Variants in IHO1 observed in about 807,000 individuals in gnomAD.
IHO1 encodes the protein interactor of HORMAD1 protein 1.
A neutral mutation model predicts 31.0 loss-of-function variants in IHO1; 13 were observed. The ratio of observed to expected loss-of-function variants is 0.42; its 90% confidence interval spans 0.27 to 0.67. The LOEUF (loss-of-function observed/expected upper bound fraction) is 0.67, where lower values mean the gene tolerates loss of function less well. Ranked by LOEUF, IHO1 falls within the 30% of genes least tolerant of loss-of-function variation. IHO1 has a pLI of 0.24. For missense variants in IHO1, 599 were observed against 687.5 expected, an observed-to-expected ratio of 0.87 and a Z score of 1.44; for synonymous variants, 221 against 248.4, an observed-to-expected ratio of 0.89 and a Z score of 1.04.
At chr3:49,229,251 C>G (rs906641640) in intron 2 of IHO1, among the ~76,000 whole-genome samples, 2 of 152,228 alleles carry the variant, frequency 1.3e-5, no homozygotes, top group African/African-American at 4.8e-5. Context: ...CTGGCTTCAC[C>G]TCTCAGTTTT....
At chr3:49,255,987 C>G (rs565152217) in intron 7 of IHO1, 147 bp from the exon 8 acceptor site, 1 of 689,852 alleles carries the variant, frequency 1.4e-6, no homozygotes, top group African/African-American at 1.8e-5. Flanking sequence ...GTTCAACTCC[C>G]GAGTGTAATT....
At chr3:49,216,589 G>T (rs2046288922) in intron 2 of IHO1, among the ~76,000 whole-genome samples, 1 of 152,188 alleles carries the variant, frequency 6.6e-6, no homozygotes, top group South Asian at 2.1e-4. Context: ...CATGGGCAAA[G>T]ACTTCATGAC....
At position 49,244,452 on chromosome 3, in the gene IHO1, G is replaced by T; in HGVS notation, c.444G>T (p.Arg148Ser). Residue 148 changes from arginine (R) to serine (S), a missense_variant and splice_region_variant, in exon 5 of 8, where the codon AGG (arginine) becomes AGT (serine). Coordinates refer to ENST00000452691, the MANE Select transcript of IHO1 (RefSeq NM_001135197.2). Reference protein sequence around the residue: ...FVSNVRESILRLQTSVEKSED... With the variant: ...FVSNVRESILSLQTSVEKSED... ...CTAATGTTAGAGAAAGCATTCTCAG[G>T]GTAAGTACAGATACTTTTCAAGGAG... The T allele has an allele frequency of 6.5e-7, 1 of 1,549,960 alleles. No individual in the cohort carries two copies. Among genetic ancestry groups the T allele is most frequent in the South Asian group, 1.2e-5 (1 of 85,298 alleles).
At chr3:49,240,209 C>G (rs1303465752) in intron 3 of IHO1, among the ~76,000 whole-genome samples, 1 of 151,980 alleles carries the variant, frequency 6.6e-6, no homozygotes, top group African/African-American at 2.4e-5. Context: ...CCACGCCCAG[C>G]TAATTTTTGT....
intron 4 of IHO1, 106 bp from the exon 5 acceptor site, chr3:49,244,298 T>A (rs1215188739): frequency 1.4e-6 from 1 of 738,160 alleles, no homozygotes; most frequent in African/African-American, 1.8e-5. Flanking sequence ...AGCAATGTTT[T>A]GATGCTATGC....
chr3:49,207,253 T>G lies in IHO1; in HGVS notation c.-15-4513T>G, dbSNP rs564412770. Among the ~76,000 whole-genome samples, 48 of 151,106 alleles carry G rather than the reference T, an allele frequency of 3.2e-4. No individual in the cohort carries two copies. The South Asian group carries it at 9.2e-3, about 29-fold the overall frequency. On this transcript the variant is annotated intron_variant, in intron 1 of 7. Transcript: ENST00000452691. ...CATTTTTTTCTTTCTGGTGAGGTTT[T>G]TTTTTTTTTTTGAGACGGAGTCTCA...
chr3:49,200,483 G>A lies in IHO1; in HGVS notation c.-16+910G>A, dbSNP rs868391858. The A allele has an allele frequency of 2.4e-5, 12 of 496,946 alleles. No homozygotes were observed. In the South Asian group the frequency reaches 2.8e-4, roughly 12 times the overall value. 30.8% of individuals were successfully genotyped at this position (496,946 alleles called of 1,614,324 possible). On this transcript the variant is annotated intron_variant, in intron 1 of 7. Transcript: ENST00000452691. Reference sequence around the variant, plus strand: ...CGGTCTCAAAAAAAAAAAAAAGAAAGAAAGAAAGAAAGAAAGAAAGAAAGA... The same window carrying A: ...CGGTCTCAAAAAAAAAAAAAAGAAAAAAAGAAAGAAAGAAAGAAAGAAAGA...
chr3:49,247,861 A>G (rs1249297455), intron 6 of IHO1, among the ~76,000 whole-genome samples: 1 of 150,428 alleles, frequency 6.6e-6, no homozygotes, highest in Non-Finnish European at 1.5e-5. Context: ...GTGGTGGTTC[A>G]TGTCTGTAAT....
chr3:49,205,942 G>C (rs2046131347), intron 1 of IHO1, among the ~76,000 whole-genome samples: 1 of 150,060 alleles, frequency 6.7e-6, no homozygotes, highest in African/African-American at 2.5e-5. Flanking sequence ...GCTAATTTTT[G>C]TATTTTTTTT....
chr3:49,223,304 T>C (rs2046376905), intron 2 of IHO1, among the ~76,000 whole-genome samples: 1 of 152,164 alleles, frequency 6.6e-6, no homozygotes, highest in African/African-American at 2.4e-5. Context: ...ATTTGCTTTC[T>C]CGACCTTCCC....
chr3:49,221,829 C>T (rs2046358829), intron 2 of IHO1, among the ~76,000 whole-genome samples: 1 of 152,168 alleles, frequency 6.6e-6, no homozygotes, highest in Non-Finnish European at 1.5e-5. Context: ...GTCAGGAGGC[C>T]TAGAAAGGGG....
At chr3:49,191,618 C>T in the IHO1 span, 25 of 1,006,508 alleles carry the variant, frequency 2.5e-5, no homozygotes, top group African/African-American at 2.5e-4. Flanking sequence ...AGGAAGTGGG[C>T]GGCTCAGGGT....
chr3:49,255,062 CA>C (rs371843773), intron 6 of IHO1, among the ~76,000 whole-genome samples: 17,985 of 128,112 alleles, frequency 0.14, 1,189 homozygotes, highest in African/African-American at 0.2. Context: ...GTCTCCGTCT[CA>C]AAAAAAAAAA....
At chr3:49,245,072 G>T in intron 6 of IHO1, 1 of 552,078 alleles carries the variant, frequency 1.8e-6, no homozygotes, top group African/African-American at 1.9e-5. Flanking sequence ...TGCTGCCTGT[G>T]CTGTCTATAG....
intron 2 of IHO1, among the ~76,000 whole-genome samples, chr3:49,233,597 T>G (rs780023074): frequency 6.6e-6 from 1 of 152,208 alleles, no homozygotes; most frequent in Non-Finnish European, 1.5e-5. Flanking sequence ...CTTTGTATAG[T>G]CTGCAGATGC....
intron 2 of IHO1, among the ~76,000 whole-genome samples, chr3:49,222,836 G>C (rs899523986): frequency 6.6e-6 from 1 of 152,110 alleles, no homozygotes; most frequent in African/African-American, 2.4e-5. Flanking sequence ...TGACGGTCCT[G>C]CAGGTTCCGC....
In IHO1 at chr3:49,255,419, C is replaced by T. The variant is rs773728242; in HGVS notation, c.562C>T (p.Leu188=). The part of the protein sequence containing the change: ...LQETIQAQND[L]VFEAVQDKGN... The stretch of plus-strand genomic sequence containing the variant: ...AGAGACTATACAGGCCCAGAATGAC[C>T]TGGTGTTTGAGGCAGTCCAGGACAA... Residue 188 remains leucine, a synonymous_variant, in exon 7 of 8, where the codon CTG becomes TTG. Coordinates refer to ENST00000452691, the MANE Select transcript of IHO1 (RefSeq NM_001135197.2). 1.2e-6 allele frequency: 2 copies of T among 1,602,434 alleles called. No individual in the cohort carries two copies. The highest frequency in any genetic ancestry group is 2.7e-5 in the African/African-American group (2 of 74,044).
At chr3:49,214,531 GT>G (rs1204944785) in intron 2 of IHO1, among the ~76,000 whole-genome samples, 7 of 49,200 alleles carry the variant, frequency 1.4e-4, no homozygotes, top group African/African-American at 7.3e-4. Flanking sequence ...CTAGAGCACT[GT>G]TTTTTTTAAT....
intron 3 of IHO1, among the ~76,000 whole-genome samples, chr3:49,239,696 C>G (rs1459346314): frequency 4.1e-5 from 6 of 145,518 alleles, no homozygotes; most frequent in East Asian, 2.0e-4. Context: ...GAGTTTTGCT[C>G]TGGTTGCCCA....
Sources: gnomAD v4.1 joint callset for allele counts (sites outside exome capture counted in the v4.1 genomes callset) on GRCh38, gnomAD v4.1.1 for gene constraint, MANE v1.5 for transcripts, NCBI Gene and HGNC (gene_info 2026-07-23, HGNC 2026-07-21) for gene names.